Variants in FAM171A1 observed in about 807,000 individuals in gnomAD.
FAM171A1 encodes the protein protein FAM171A1.
A neutral mutation model predicts 74.9 loss-of-function variants in FAM171A1; 23 were observed. The ratio of observed to expected loss-of-function variants is 0.31; its 90% CI spans 0.22 to 0.44. The LOEUF (loss-of-function observed/expected upper bound fraction) is 0.44. Among genes scored for constraint, FAM171A1 ranks in the 20% least tolerant of loss-of-function variants. FAM171A1 has a pLI of 1.00. For synonymous variants in FAM171A1, 527 were observed against 505.7 expected (o/e 1.04, Z -0.57); for missense variants, 1,162 against 1,159.2 (o/e 1.00, Z -0.03).
chr10:15,284,570 G>A (rs537602471), intron 1 of FAM171A1, among the ~76,000 whole-genome samples: 1 of 152,118 alleles, frequency 6.6e-6, no homozygotes, highest in Non-Finnish European at 1.5e-5. Flanking sequence ...CTACAGGTGT[G>A]TGCCACCACA....
At chr10:15,292,134 G>T (rs1368453307) in intron 1 of FAM171A1, among the ~76,000 whole-genome samples, 1 of 152,062 alleles carries the variant, frequency 6.6e-6, no homozygotes. Context: ...GGATGAGGGG[G>T]CTCTCTGGGG....
At chr10:15,303,067 T>C (rs1042229319) in intron 1 of FAM171A1, among the ~76,000 whole-genome samples, 1 of 152,046 alleles carries the variant, frequency 6.6e-6, no homozygotes, top group Non-Finnish European at 1.5e-5. Flanking sequence ...CGGGTACCTG[T>C]AATCCCAGCT....
In FAM171A1 at chr10:15,212,723, A is replaced by T; in HGVS notation, c.*192T>A. The T allele has an allele frequency of 1.2e-6, 1 of 825,040 alleles. No individual in the cohort carries two copies. The highest frequency in any genetic ancestry group is 1.8e-6 in the Non-Finnish European group (1 of 546,000). The allele number at this position is 825,040 out of a possible 1,614,324, so 51.1% of individuals were successfully genotyped here. A position where few individuals can be genotyped will look rare whatever the true frequency, so the allele number is the denominator to read the frequency against. On this transcript the variant is annotated 3_prime_UTR_variant, in exon 8 of 8. Coordinates refer to ENST00000378116, the MANE Select transcript of FAM171A1 (RefSeq NM_001010924.2). Reference sequence around the variant, plus strand: ...TCCTTGCAGGGGCGACATCCGCCAAAGTCATCCTTTATTCCGAGTAATAAC... The same window carrying T: ...TCCTTGCAGGGGCGACATCCGCCAATGTCATCCTTTATTCCGAGTAATAAC...
At chr10:15,285,552 A>T (rs543136298) in intron 1 of FAM171A1, among the ~76,000 whole-genome samples, 1 of 152,330 alleles carries the variant, frequency 6.6e-6, no homozygotes, top group South Asian at 2.1e-4. Flanking sequence ...CTATCACGTC[A>T]AGGGTGCTGA....
chr10:15,256,578 T>C lies in FAM171A1; in HGVS notation c.419-1699A>G, dbSNP rs116051467. ...AACTAAACAGACACAGACATTAGTCTAGCTCCAGACCATCGATTCCCCTTC... is the reference window on the plus strand; with the variant it reads ...AACTAAACAGACACAGACATTAGTCCAGCTCCAGACCATCGATTCCCCTTC... On this transcript the variant is annotated intron_variant, in intron 3 of 7. Transcript: ENST00000378116. Among the ~76,000 whole-genome samples, 1,149 of 152,338 alleles carry C rather than the reference T, an allele frequency of 7.5e-3. 10 individuals carry two copies. The highest frequency in any genetic ancestry group is 0.026 in the African/African-American group (1,092 of 41,564).
At chr10:15,267,701 G>A (rs753162382) in intron 3 of FAM171A1, among the ~76,000 whole-genome samples, 1 of 151,708 alleles carries the variant, frequency 6.6e-6, no homozygotes, top group Admixed American at 6.6e-5. Context: ...ACCCCACTCA[G>A]GTGCTGGGTC....
intron 3 of FAM171A1, among the ~76,000 whole-genome samples, chr10:15,256,954 G>C (rs1834588285): frequency 6.6e-6 from 1 of 152,120 alleles, no homozygotes; most frequent in Non-Finnish European, 1.5e-5. Context: ...AACATTCATT[G>C]CTTCTGGTAT....
At chr10:15,365,775 A>AAG (rs1754435799) in intron 1 of FAM171A1, among the ~76,000 whole-genome samples, 1 of 151,008 alleles carries the variant, frequency 6.6e-6, no homozygotes, top group Admixed American at 6.6e-5. Context: ...GTTAAAAAAA[A>AAG]AAAAAGAGAG....
chr10:15,235,220 T>TG (rs1216723353), intron 5 of FAM171A1, among the ~76,000 whole-genome samples: 1 of 144,522 alleles, frequency 6.9e-6, no homozygotes, highest in African/African-American at 2.6e-5. Context: ...GAGAATCGCT[T>TG]GAACCTGGGA....
chr10:15,287,091 CTTTT>C (rs145921203), intron 1 of FAM171A1, among the ~76,000 whole-genome samples: 2 of 129,506 alleles, frequency 1.5e-5, no homozygotes, highest in African/African-American at 2.9e-5. Context: ...TTTTCTTCTT[CTTTT>C]TTTTTTTTTT....
chr10:15,220,651 G>A (rs1023560552), intron 6 of FAM171A1, among the ~76,000 whole-genome samples: 1 of 152,064 alleles, frequency 6.6e-6, no homozygotes, highest in African/African-American at 2.4e-5. Flanking sequence ...AGGAGGTCTT[G>A]CTGGTCTCTG....
chr10:15,276,117 C>T (rs1335479736), intron 2 of FAM171A1, among the ~76,000 whole-genome samples, 170 bp from the exon 3 acceptor site: 1 of 152,108 alleles, frequency 6.6e-6, no homozygotes, highest in Non-Finnish European at 1.5e-5. Context: ...AAGTGTATTG[C>T]AGTATCTCAT....
Position 15,218,052 on chromosome 10 carries a change from G to C in FAM171A1, c.872-1942C>G, listed in dbSNP as rs150107845. Among the ~76,000 whole-genome samples, 553 of 152,118 alleles carry C rather than the reference G, an allele frequency of 3.6e-3. 1 individual carries two copies. The highest frequency in any genetic ancestry group is 0.013 in the African/African-American group (530 of 41,478). On this transcript the variant is annotated intron_variant, in intron 6 of 7. Coordinates refer to ENST00000378116, the MANE Select transcript of FAM171A1 (RefSeq NM_001010924.2). ...AAGTATTTCCAAATACTGATGCTTCGTCCTTTAAGTACTCAAAGCATTATT... is the reference window on the plus strand; with the variant it reads ...AAGTATTTCCAAATACTGATGCTTCCTCCTTTAAGTACTCAAAGCATTATT...
intron 7 of FAM171A1, 52 bp downstream of exon 7, chr10:15,215,944 G>A: frequency 1.7e-6 from 2 of 1,201,552 alleles, no homozygotes; most frequent in South Asian, 1.5e-5. Flanking sequence ...AGTATCAATT[G>A]CCCAAGAAAC....
intron 1 of FAM171A1, among the ~76,000 whole-genome samples, chr10:15,290,031 C>A (rs532230551): frequency 3.7e-4 from 56 of 152,296 alleles, no homozygotes; most frequent in Non-Finnish European, 7.2e-4. Context: ...AGTTTGAGAC[C>A]AGTGCGGCCA....
intron 1 of FAM171A1, among the ~76,000 whole-genome samples, chr10:15,289,622 G>T (rs1835079661): frequency 6.6e-6 from 1 of 152,138 alleles, no homozygotes; most frequent in Non-Finnish European, 1.5e-5. Context: ...TCCCACTGAG[G>T]CTGGAGGGAG....
At chr10:15,273,807 A>C (rs2131797276) in intron 3 of FAM171A1, among the ~76,000 whole-genome samples, 1 of 152,362 alleles carries the variant, frequency 6.6e-6, no homozygotes, top group East Asian at 1.9e-4. Context: ...CAACAGATGC[A>C]GAAAAGGCCT....
chr10:15,365,892 A>C (rs941545190), intron 1 of FAM171A1, among the ~76,000 whole-genome samples: 1 of 152,188 alleles, frequency 6.6e-6, no homozygotes, highest in Admixed American at 6.5e-5. Context: ...TTGATCAGAG[A>C]AGGTGGAGTC....
chr10:15,315,800 G>A (rs1380265620), intron 1 of FAM171A1, among the ~76,000 whole-genome samples: 1 of 152,188 alleles, frequency 6.6e-6, no homozygotes, highest in Non-Finnish European at 1.5e-5. Context: ...GAGACAAGGA[G>A]CGGCTGGAGA....
Sources: gnomAD v4.1 joint callset for allele counts (sites outside exome capture counted in the v4.1 genomes callset) on GRCh38, gnomAD v4.1.1 for gene constraint, MANE v1.5 for transcripts, NCBI Gene and HGNC (gene_info 2026-07-23, HGNC 2026-07-21) for gene names.